Variants in NKAIN3 observed in about 807,000 individuals in gnomAD.
NKAIN3 encodes sodium/potassium transporting ATPase interacting 3.
In NKAIN3, 25 loss-of-function variants were observed where a neutral mutation model predicts 30.2. The observed-to-expected ratio is 0.83, with a 90% CI of 0.60 to 1.16. The LOEUF (loss-of-function observed/expected upper bound fraction) is 1.16, where lower values mean the gene tolerates loss of function less well. Ranked by LOEUF, NKAIN3 falls within the 50% of genes most tolerant of loss-of-function variation. The pLI is 0.00. For missense variants in NKAIN3, 225 were observed against 254.1 expected (o/e 0.89, Z 0.78); for synonymous variants, 91 against 89.6 (o/e 1.02, Z -0.09).
At chr8:62,441,847 C>T (rs961468106) in intron 1 of NKAIN3, among the ~76,000 whole-genome samples, 1 of 151,946 alleles carries the variant, frequency 6.6e-6, no homozygotes, top group Non-Finnish European at 1.5e-5. Flanking sequence ...TGTACCAAAT[C>T]ACCCCATTGT....
chr8:62,453,803 T>C (rs1390543076), intron 1 of NKAIN3, among the ~76,000 whole-genome samples: 1 of 152,060 alleles, frequency 6.6e-6, no homozygotes, highest in East Asian at 1.9e-4. Context: ...CCTGGAAACA[T>C]ATAACTTCTC....
chr8:62,317,669 G>T (rs1300532270), intron 1 of NKAIN3, among the ~76,000 whole-genome samples: 2 of 152,132 alleles, frequency 1.3e-5, no homozygotes, highest in Non-Finnish European at 2.9e-5. Flanking sequence ...TGCTGTTTTG[G>T]TTACTGTAGC....
At chr8:62,419,963 A>G (rs1372910134) in intron 1 of NKAIN3, among the ~76,000 whole-genome samples, 2 of 152,162 alleles carry the variant, frequency 1.3e-5, no homozygotes, top group South Asian at 2.1e-4. Flanking sequence ...ATGCATATCT[A>G]TAGTGAAGGA....
intron 1 of NKAIN3, among the ~76,000 whole-genome samples, chr8:62,543,874 AT>A (rs1265112178): frequency 6.6e-6 from 1 of 152,020 alleles, no homozygotes; most frequent in Non-Finnish European, 1.5e-5. Flanking sequence ...TCTTATTTTT[AT>A]TTTTTTATCA....
rs1468687518 is a variant in NKAIN3, at chr8:62,969,427, A to T, written c.*4020A>T. ...TTTCTCTTTTCAATCTTTGCAAATT[A>T]AAAAGGAATCTTGCCAAGAATAAAC... is the stretch of plus-strand genomic sequence containing the variant. On this transcript the variant is annotated 3_prime_UTR_variant, in exon 7 of 7. Coordinates refer to ENST00000623646, the MANE Select transcript of NKAIN3 (RefSeq NM_001304533.3). Among the ~76,000 whole-genome samples the T allele has an allele frequency of 6.6e-6, 1 of 152,242 alleles. No individual in the cohort carries two copies. The highest frequency in any genetic ancestry group is 1.9e-4 in the East Asian group (1 of 5,206).
chr8:62,559,661 T>G (rs769581286), intron 1 of NKAIN3, among the ~76,000 whole-genome samples: 1 of 152,044 alleles, frequency 6.6e-6, no homozygotes, highest in Non-Finnish European at 1.5e-5. Context: ...ATTTCAGGGA[T>G]AGTATAAATA....
At chr8:62,417,233 C>T (rs766291165) in intron 1 of NKAIN3, among the ~76,000 whole-genome samples, 5 of 152,060 alleles carry the variant, frequency 3.3e-5, no homozygotes, top group Admixed American at 6.6e-5. Flanking sequence ...GTTTTTCTTT[C>T]TGTGCCTGGG....
At chr8:62,829,683 A>G (rs1335856081) in intron 4 of NKAIN3, among the ~76,000 whole-genome samples, 1 of 152,200 alleles carries the variant, frequency 6.6e-6, no homozygotes, top group Non-Finnish European at 1.5e-5. Context: ...GAATGATAAC[A>G]TGAAGGCAAG....
chr8:62,469,725 A>G (rs1046660158), intron 1 of NKAIN3, among the ~76,000 whole-genome samples: 6 of 152,184 alleles, frequency 3.9e-5, no homozygotes, highest in Non-Finnish European at 7.3e-5. Flanking sequence ...AGAAACCTTC[A>G]TCACCTAATT....
chr8:62,636,651 T>G, intron 3 of NKAIN3, among the ~76,000 whole-genome samples: 1 of 152,176 alleles, frequency 6.6e-6, no homozygotes, highest in East Asian at 1.9e-4. Context: ...TAGGGGAGCA[T>G]TTTAGTGGGC....
chr8:62,800,338 C>G (rs1818014650), intron 4 of NKAIN3, among the ~76,000 whole-genome samples: 1 of 152,076 alleles, frequency 6.6e-6, no homozygotes, highest in Non-Finnish European at 1.5e-5. Context: ...CATGCAAGAC[C>G]CTCTGCAAAG....
At position 62,965,430 on chromosome 8, in the gene NKAIN3, G is replaced by A. The variant is rs1224068616; in HGVS notation, c.*23G>A. On this transcript the variant is annotated 3_prime_UTR_variant, in exon 7 of 7. Coordinates refer to ENST00000623646, the MANE Select transcript of NKAIN3 (RefSeq NM_001304533.3). ...TAGGGAGCAAAGGACCATTGACTGC[G>A]CGCCTCGGTGGATCCGACCCGCCTG... The A allele has an allele frequency of 4.4e-5, 43 of 985,570 alleles. No individual in the cohort carries two copies. Among genetic ancestry groups the A allele is most frequent in the Non-Finnish European group, 5.1e-5 (42 of 829,918 alleles). 61.1% of individuals were successfully genotyped at this position (985,570 alleles called of 1,614,324 possible). A position where few individuals can be genotyped will look rare whatever the true frequency, so the allele number is the denominator to read the frequency against.
intron 1 of NKAIN3, among the ~76,000 whole-genome samples, chr8:62,572,088 T>G (rs926126510): frequency 3.9e-5 from 6 of 152,192 alleles, no homozygotes; most frequent in African/African-American, 1.4e-4. Context: ...CTCGTCAGGC[T>G]GCAAATTTTC....
intron 3 of NKAIN3, among the ~76,000 whole-genome samples, chr8:62,741,685 G>A (rs1210161531): frequency 6.6e-6 from 1 of 152,170 alleles, no homozygotes; most frequent in African/African-American, 2.4e-5. Context: ...TTCCAAATAA[G>A]TATATAAGTT....
At chr8:62,490,398 T>C (rs1807030103) in intron 1 of NKAIN3, among the ~76,000 whole-genome samples, 1 of 152,174 alleles carries the variant, frequency 6.6e-6, no homozygotes, top group Admixed American at 6.5e-5. Flanking sequence ...ATAAATCTCT[T>C]AATATATATG....
At chr8:62,644,028 C>A (rs1261067395) in intron 3 of NKAIN3, among the ~76,000 whole-genome samples, 1 of 151,992 alleles carries the variant, frequency 6.6e-6, no homozygotes, top group African/African-American at 2.4e-5. Context: ...ATAAGAAGAC[C>A]CAGTAATGGA....
At chr8:62,400,360 T>TG (rs1817899954) in intron 1 of NKAIN3, among the ~76,000 whole-genome samples, 1 of 151,884 alleles carries the variant, frequency 6.6e-6, no homozygotes, top group South Asian at 2.1e-4. Context: ...TTAGTAGAGA[T>TG]GGGGTTTCTC....
intron 3 of NKAIN3, among the ~76,000 whole-genome samples, chr8:62,666,458 A>G (rs1813104795): frequency 5.9e-5 from 9 of 152,182 alleles, no homozygotes; most frequent in Admixed American, 5.9e-4. Flanking sequence ...AAAAAGTATG[A>G]AAAAGCATTA....
intron 3 of NKAIN3, among the ~76,000 whole-genome samples, chr8:62,623,691 G>T (rs1174922803): frequency 6.6e-6 from 1 of 151,966 alleles, no homozygotes; most frequent in Non-Finnish European, 1.5e-5. Flanking sequence ...CTGAATTTTT[G>T]TTTGTATAAG....
Sources: gnomAD v4.1 joint callset for allele counts (sites outside exome capture counted in the v4.1 genomes callset) on GRCh38, gnomAD v4.1.1 for gene constraint, MANE v1.5 for transcripts, NCBI Gene and HGNC (gene_info 2026-07-23, HGNC 2026-07-21) for gene names.